Variants in LIMS1 observed in about 807,000 individuals in gnomAD.
The protein encoded by LIMS1 is LIM and senescent cell antigen-like-containing domain protein 1.
A neutral mutation model predicts 44.1 loss-of-function variants in LIMS1; 18 were observed. The observed-to-expected ratio is 0.41, with a 90% CI of 0.28 to 0.61. The LOEUF is 0.61. Among genes scored for constraint, LIMS1 ranks in the 20% least tolerant of loss-of-function variants. The pLI, the probability that LIMS1 is intolerant of heterozygous loss-of-function variation, is 0.32. For missense variants in LIMS1, 201 were observed against 422.0 expected (o/e 0.48, Z 4.59); for synonymous variants, 93 against 149.1 (o/e 0.62, Z 2.74).
intron 1 of LIMS1, among the ~76,000 whole-genome samples, chr2:108,587,622 A>G (rs1686174057): frequency 6.6e-6 from 1 of 152,094 alleles, no homozygotes; most frequent in Non-Finnish European, 1.5e-5. Context: ...TTCTTGCTGT[A>G]TTTTCAGTGA....
At chr2:108,559,857 A>T (rs1346272253) in intron 1 of LIMS1, among the ~76,000 whole-genome samples, 1 of 152,222 alleles carries the variant, frequency 6.6e-6, no homozygotes, top group Non-Finnish European at 1.5e-5. Context: ...AAAAACTGTT[A>T]TCTGAAAGTC....
At chr2:108,608,737 G>T (rs1379541219) in intron 1 of LIMS1, among the ~76,000 whole-genome samples, 2 of 152,164 alleles carry the variant, frequency 1.3e-5, no homozygotes, top group Non-Finnish European at 2.9e-5. Flanking sequence ...AAGCAGGGTA[G>T]TAGAGTGATC....
chr2:108,612,788 G>A (rs962035349), intron 1 of LIMS1, among the ~76,000 whole-genome samples: 1 of 152,138 alleles, frequency 6.6e-6, no homozygotes, highest in Non-Finnish European at 1.5e-5. Flanking sequence ...TGGGCTGGCT[G>A]AGGTGTCTGG....
intron 1 of LIMS1, among the ~76,000 whole-genome samples, chr2:108,548,124 A>G (rs571958368): frequency 2.0e-5 from 3 of 152,356 alleles, no homozygotes; most frequent in Non-Finnish European, 4.4e-5. Flanking sequence ...ATGTGTTTAC[A>G]TGACTGAGGA....
At chr2:108,681,334 CCATACTT>C (rs1208648985) in intron 9 of LIMS1, 7 of 984,720 alleles carry the variant, frequency 7.1e-6, no homozygotes, top group Non-Finnish European at 8.4e-6. Flanking sequence ...TGAATACACT[CCATACTT>C]AATACAGTTT....
chr2:108,614,992 C>G (rs1335163218), intron 1 of LIMS1, among the ~76,000 whole-genome samples: 1 of 152,148 alleles, frequency 6.6e-6, no homozygotes, highest in Non-Finnish European at 1.5e-5. Flanking sequence ...TCCTCTCACA[C>G]AGAAGTATTT....
chr2:108,557,532 T>A (rs867599841), intron 1 of LIMS1, among the ~76,000 whole-genome samples: 7 of 152,070 alleles, frequency 4.6e-5, no homozygotes, highest in African/African-American at 1.2e-4. Flanking sequence ...TTTTTTTTTT[T>A]GAGAGACCTA....
intron 1 of LIMS1, among the ~76,000 whole-genome samples, chr2:108,602,298 C>G (rs1348628623): frequency 6.6e-6 from 1 of 152,176 alleles, no homozygotes; most frequent in Non-Finnish European, 1.5e-5. Context: ...TTTCTCTTCT[C>G]TGATTGCCCT....
At chr2:108,613,362 A>C (rs1487523377) in intron 1 of LIMS1, among the ~76,000 whole-genome samples, 2 of 152,222 alleles carry the variant, frequency 1.3e-5, no homozygotes, top group African/African-American at 2.4e-5. Flanking sequence ...AACATGAAGT[A>C]CATCTGGCTC....
At position 108,620,020 on chromosome 2, in the gene LIMS1, C is replaced by G. The variant is rs749101769; in HGVS notation, c.33-39585C>G. 2.6e-5 allele frequency among the ~76,000 whole-genome samples: 4 copies of G among 152,226 alleles called. No individual in the cohort carries two copies. In the East Asian group the frequency reaches 7.7e-4, roughly 29 times the overall value. On this transcript the variant is annotated intron_variant, in intron 1 of 9. Coordinates refer to ENST00000544547, the Ensembl canonical transcript of LIMS1. ...TAGTGACAAAAATGGTAAATTTTTT[C>G]CCTGCATCTTTAAAAACATATGCTG...
At chr2:108,673,563 A>T (rs1986302) in intron 5 of LIMS1, 35,933 of 165,636 alleles carry the variant, frequency 0.22, 4,984 homozygotes, top group Middle Eastern at 0.37. Context: ...ATTTTTTTAA[A>T]TTTTTTGTAG....
chr2:108,588,291 T>C, intron 1 of LIMS1: 1 of 980,634 alleles, frequency 1.0e-6, no homozygotes, highest in Non-Finnish European at 1.2e-6. Flanking sequence ...ACCCTGAACT[T>C]GGTTTCATTG....
chr2:108,542,656 T>C (rs906802975), intron 1 of LIMS1, among the ~76,000 whole-genome samples: 1 of 152,198 alleles, frequency 6.6e-6, no homozygotes, highest in African/African-American at 2.4e-5. Flanking sequence ...TATATCATCT[T>C]ATTGCCAACC....
intron 1 of LIMS1, among the ~76,000 whole-genome samples, chr2:108,581,962 A>G (rs1000460007): frequency 1.3e-5 from 2 of 152,094 alleles, no homozygotes; most frequent in African/African-American, 4.8e-5. Flanking sequence ...CAAACAAAAA[A>G]TACTTGCTAT....
intron 1 of LIMS1, among the ~76,000 whole-genome samples, chr2:108,599,093 T>G (rs534620609): frequency 3.9e-5 from 6 of 152,118 alleles, no homozygotes; most frequent in Non-Finnish European, 8.8e-5. Flanking sequence ...TTGACTGTAG[T>G]CACCCTGTTG....
chr2:108,589,037 C>T (rs1054398149), intron 1 of LIMS1, among the ~76,000 whole-genome samples: 1 of 152,052 alleles, frequency 6.6e-6, no homozygotes, highest in African/African-American at 2.4e-5. Context: ...TTTTTTAAAA[C>T]ATTATTTCTG....
chr2:108,653,086 A>G (rs914517718), intron 1 of LIMS1, among the ~76,000 whole-genome samples: 1 of 152,128 alleles, frequency 6.6e-6, no homozygotes, highest in African/African-American at 2.4e-5. Context: ...TTCTTGACCT[A>G]TCCTCTGAGA....
exon 1 of LIMS1, chr2:108,534,480 C>A: frequency 9.2e-7 from 1 of 1,090,016 alleles, no homozygotes; most frequent in Non-Finnish European, 1.1e-6. Context: ...AGTAGCCGGC[C>A]GCGGCGGCGA....
At chr2:108,573,049 T>TC (rs1685539991) in intron 1 of LIMS1, among the ~76,000 whole-genome samples, 1 of 152,246 alleles carries the variant, frequency 6.6e-6, no homozygotes, top group Admixed American at 6.5e-5. Context: ...TAGTCTATTG[T>TC]TAAGTGACAC....
Sources: gnomAD v4.1 joint callset for allele counts (sites outside exome capture counted in the v4.1 genomes callset) on GRCh38, gnomAD v4.1.1 for gene constraint, MANE v1.5 for transcripts, NCBI Gene and HGNC (gene_info 2026-07-23, HGNC 2026-07-21) for gene names.